LAMA1: variants seen among roughly 807,000 people sequenced by gnomAD.
The protein encoded by LAMA1 is laminin subunit alpha 1.
A neutral mutation model predicts 348.7 loss-of-function variants in LAMA1; 219 were observed. The ratio of observed to expected loss-of-function variants is 0.63; its 90% CI spans 0.56 to 0.70. LAMA1 has a LOEUF of 0.70. Among genes scored for constraint, LAMA1 ranks in the 30% least tolerant of loss-of-function variants. The probability of loss-of-function intolerance (pLI) is 0.00; values close to 1 mark genes in which losing one functional copy is unlikely to be tolerated. For missense variants in LAMA1, 3,744 were observed against 3,888.0 expected (o/e 0.96, Z 0.99); for synonymous variants, 1,487 against 1,491.0 (o/e 1.00, Z 0.06).
At chr18:7,075,212 T>C (rs1373213045) in intron 3 of LAMA1, among the ~76,000 whole-genome samples, 2 of 152,182 alleles carry the variant, frequency 1.3e-5, no homozygotes, top group Admixed American at 1.3e-4. Flanking sequence ...ATCTATACTT[T>C]AGATTTTACA....
chr18:7,085,458 G>A (rs143206174), intron 1 of LAMA1, among the ~76,000 whole-genome samples: 2,147 of 116,552 alleles, frequency 0.018, 48 homozygotes, highest in African/African-American at 0.068. Context: ...TTGCTCTGTC[G>A]CCCAGGCTGT....
At chr18:7,027,194 GA>G (rs902500687) in intron 16 of LAMA1, among the ~76,000 whole-genome samples, 33 of 152,190 alleles carry the variant, frequency 2.2e-4, no homozygotes, top group Non-Finnish European at 4.7e-4. Context: ...TGGTAGGTTA[GA>G]AAAAGTAGAG....
At chr18:7,045,062 C>T (rs112993526) in intron 6 of LAMA1, among the ~76,000 whole-genome samples, 4,639 of 151,642 alleles carry the variant, frequency 0.031, 111 homozygotes, top group Non-Finnish European at 0.047. Flanking sequence ...AACCAGAATA[C>T]GACTTAGCTA....
Position 6,977,940 on chromosome 18 carries a change from T to C in LAMA1, c.6191-59A>G, listed in dbSNP as rs894206180. 7 of 1,558,946 alleles carry C rather than the reference T, an allele frequency of 4.5e-6. No homozygotes were observed. The South Asian group carries it at 4.5e-5, about 10-fold the overall frequency. On this transcript the variant is annotated intron_variant, in intron 43 of 62. Transcript: ENST00000389658. ...AAGTTGGGGAGAGGGAAAAACAAGA[T>C]AATTAATTGTCCATTAACAATGCAC...
chr18:7,017,871 A>T (rs2057896283), intron 19 of LAMA1, among the ~76,000 whole-genome samples: 1 of 152,332 alleles, frequency 6.6e-6, no homozygotes, highest in Admixed American at 6.5e-5. Flanking sequence ...GTTCTAAGTC[A>T]TGAGTCATTT....
intron 23 of LAMA1, among the ~76,000 whole-genome samples, chr18:7,013,254 C>A (rs1387701617): frequency 6.6e-6 from 1 of 152,074 alleles, no homozygotes; most frequent in African/African-American, 2.4e-5. Flanking sequence ...TATCTCCAGT[C>A]ACCCATCAGC....
chr18:7,117,028 C>T (rs2058359758), intron 1 of LAMA1, among the ~76,000 whole-genome samples: 1 of 152,132 alleles, frequency 6.6e-6, no homozygotes, highest in South Asian at 2.1e-4. Context: ...ACAAAAAGCG[C>T]GGGTCGGGAA....
At chr18:7,081,641 G>A (rs770120394) in intron 1 of LAMA1, among the ~76,000 whole-genome samples, 6 of 152,122 alleles carry the variant, frequency 3.9e-5, no homozygotes, top group African/African-American at 1.4e-4. Context: ...ACCTCCATTC[G>A]GTTCTTTGGA....
intron 3 of LAMA1, among the ~76,000 whole-genome samples, chr18:7,071,318 C>G (rs2058145068): frequency 6.6e-6 from 1 of 152,174 alleles, no homozygotes; most frequent in Admixed American, 6.5e-5. Flanking sequence ...CTGGGAAAAG[C>G]AGATGAAATA....
At chr18:7,048,835 A>G (rs544299492) in intron 5 of LAMA1, among the ~76,000 whole-genome samples, 2 of 152,244 alleles carry the variant, frequency 1.3e-5, no homozygotes, top group South Asian at 4.1e-4. Flanking sequence ...CATTCACCAC[A>G]TTATGGCACT....
chr18:7,067,857 A>AT (rs546684275), intron 3 of LAMA1, among the ~76,000 whole-genome samples: 7,663 of 138,308 alleles, frequency 0.055, 582 homozygotes, highest in African/African-American at 0.17. Context: ...TCCTTTTCGC[A>AT]TTTTTTTTTT....
rs1401765808 is a variant in LAMA1 at position 6,950,982 on chromosome 18, C to G, written c.8208-11G>C. ...AGCTCAACCGAGAGCCTGGGGAAAACAAGTGCTCAGCGTTGAGAAAGGAAA... is the reference window on the plus strand; with the variant it reads ...AGCTCAACCGAGAGCCTGGGGAAAAGAAGTGCTCAGCGTTGAGAAAGGAAA... On this transcript the variant is annotated splice_polypyrimidine_tract_variant and intron_variant, in intron 57 of 62. Coordinates refer to ENST00000389658, the MANE Select transcript of LAMA1 (RefSeq NM_005559.4). 6.2e-7 allele frequency: 1 copy of G among 1,612,782 alleles called. No individual in the cohort carries two copies. Among genetic ancestry groups the G allele is most frequent in the East Asian group, 2.2e-5 (1 of 44,876 alleles).
intron 3 of LAMA1, among the ~76,000 whole-genome samples, chr18:7,052,967 C>G (rs1477299808): frequency 6.6e-6 from 1 of 152,154 alleles, no homozygotes; most frequent in Non-Finnish European, 1.5e-5. Context: ...TTGTAGTGAG[C>G]CGAGATCGTG....
At position 6,947,178 on chromosome 18, in the gene LAMA1, C is replaced by T. The variant is rs781305997; in HGVS notation, c.8829G>A (p.Glu2943=). The change falls in exon 61 of 63, where the codon GAG becomes GAA. Residue 2943 remains glutamate (E), a synonymous_variant. Transcript: ENST00000389658. ...STAKVDAIGL[E]LVDGKVLFHV... is the part of the protein sequence containing the mutation. ...AAGCACCCACCTTGCCGTCCACAAG[C>T]TCTAGTCCAATGGCATCCACTTTGG... The T allele has an allele frequency of 2.3e-5, 37 of 1,614,132 alleles. No individual in the cohort carries two copies. The highest frequency in any genetic ancestry group is 1.0e-4 in the Admixed American group (6 of 60,012).
Position 6,986,227 on chromosome 18 carries a change from C to T in LAMA1, c.5289G>A (p.Ala1763=), listed in dbSNP as rs761188683. The T allele has an allele frequency of 5.5e-5, 89 of 1,614,070 alleles. No homozygotes were observed. Among genetic ancestry groups the T allele is most frequent in the Non-Finnish European group, 6.0e-5 (71 of 1,180,048 alleles). Residue 1763 remains alanine, a synonymous_variant, in exon 37 of 63, where the codon GCG becomes GCA. Transcript: ENST00000389658. ...VLSKHNNELK[A]AEALVREAEA... is the part of the protein sequence containing the mutation. ...CAGCTTCCCTCACGAGCGCCTCAGC[C>T]GCCTTTAGTTCATTGTTGTGCTTTG...
At chr18:6,949,065 C>T (rs200761119) in intron 59 of LAMA1, 36 bp downstream of exon 59, 86 of 1,613,526 alleles carry the variant, frequency 5.3e-5, no homozygotes, top group Middle Eastern at 1.6e-4. Flanking sequence ...ACGAACACAA[C>T]GAAGGTAAAA....
chr18:7,034,382 G>T, intron 14 of LAMA1, 97 bp downstream of exon 14: 1 of 874,708 alleles, frequency 1.1e-6, no homozygotes, highest in Non-Finnish European at 1.9e-6. Flanking sequence ...TTAATATAAT[G>T]AATGTAAAAT....
chr18:7,004,185 G>T (rs1460730040), intron 29 of LAMA1, among the ~76,000 whole-genome samples: 1 of 152,138 alleles, frequency 6.6e-6, no homozygotes, highest in Non-Finnish European at 1.5e-5. Flanking sequence ...TGAATTAGTT[G>T]CTATGGGAAA....
At chr18:7,100,973 G>A (rs1341353866) in intron 1 of LAMA1, among the ~76,000 whole-genome samples, 2 of 152,062 alleles carry the variant, frequency 1.3e-5, no homozygotes, top group African/African-American at 4.8e-5. Context: ...TCACACCACT[G>A]CACTCCAGCC....
Sources: allele counts gnomAD v4.1 joint callset (sites outside exome capture counted in the v4.1 genomes callset), GRCh38; gene constraint gnomAD v4.1.1; transcripts MANE v1.5; gene names NCBI Gene and HGNC (gene_info 2026-07-23, HGNC 2026-07-21).